PRELID2: variants seen among roughly 807,000 people sequenced by gnomAD.
The protein encoded by PRELID2 is PRELI domain-containing protein 2.
PRELID2 carries 25 observed loss-of-function variants against 28.4 expected under a neutral mutation model. The observed-to-expected ratio is 0.88, with a 90% CI of 0.64 to 1.23. PRELID2 has a LOEUF of 1.23. PRELID2 is among the 50% of genes most tolerant of loss of function. PRELID2 has a pLI of 0.00. For missense variants in PRELID2, 201 were observed against 214.4 expected, an observed-to-expected ratio of 0.94 and a Z score of 0.39; for synonymous variants, 76 against 71.6, an observed-to-expected ratio of 1.06 and a Z score of -0.31.
At chr5:145,426,188 TG>T in the PRELID2 span, among the ~76,000 whole-genome samples, 173 of 152,354 alleles carry the variant, frequency 1.1e-3, no homozygotes, top group African/African-American at 3.9e-3. Context: ...GCAGGGTTTT[TG>T]CTGCTTTCCT....
chr5:145,387,541 C>G, the PRELID2 span, among the ~76,000 whole-genome samples: 1 of 152,294 alleles, frequency 6.6e-6, no homozygotes, highest in African/African-American at 2.4e-5. Flanking sequence ...CATCAATTAA[C>G]CAGTAAAATG....
chr5:145,452,585 T>A, the PRELID2 span, among the ~76,000 whole-genome samples: 1 of 152,192 alleles, frequency 6.6e-6, no homozygotes, highest in African/African-American at 2.4e-5. Flanking sequence ...CAGATCACAC[T>A]GGATTATAAT....
chr5:145,829,619 A>G (rs1200608695), intron 1 of PRELID2, among the ~76,000 whole-genome samples: 6 of 152,188 alleles, frequency 3.9e-5, no homozygotes, highest in Non-Finnish European at 5.9e-5. Flanking sequence ...GACCTGTCCA[A>G]GCTCACAGGG....
chr5:145,320,709 G>T, the PRELID2 span, among the ~76,000 whole-genome samples: 76 of 152,264 alleles, frequency 5.0e-4, 2 homozygotes, highest in African/African-American at 1.8e-3. Flanking sequence ...AAAACAAGGA[G>T]ATATTATAAT....
chr5:145,381,927 TC>T, the PRELID2 span, among the ~76,000 whole-genome samples: 1 of 150,598 alleles, frequency 6.6e-6, no homozygotes, highest in Admixed American at 6.6e-5. Flanking sequence ...GGAAAAAAAA[TC>T]TATTGAAATA....
At chr5:145,719,776 C>T (rs1355359867) in intron 1 of PRELID2, among the ~76,000 whole-genome samples, 1 of 151,922 alleles carries the variant, frequency 6.6e-6, no homozygotes, top group Admixed American at 6.6e-5. Flanking sequence ...CCCCTCCAAC[C>T]TCCAAAACAA....
At chr5:145,537,972 T>C (rs1295959981) in intron 1 of PRELID2, among the ~76,000 whole-genome samples, 1 of 151,964 alleles carries the variant, frequency 6.6e-6, no homozygotes, top group South Asian at 2.1e-4. Context: ...TAGTTTCCAG[T>C]TTTACATGTA....
intron 1 of PRELID2, among the ~76,000 whole-genome samples, chr5:145,674,916 CAGAGTG>C (rs1754783826): frequency 6.6e-6 from 1 of 150,712 alleles, no homozygotes; most frequent in Non-Finnish European, 1.5e-5. Context: ...GCCTGAACAA[CAGAGTG>C]AGATTCAGTA....
At chr5:145,507,673 C>G (rs528733221) in intron 1 of PRELID2, among the ~76,000 whole-genome samples, 1 of 152,092 alleles carries the variant, frequency 6.6e-6, no homozygotes, top group Admixed American at 6.6e-5. Context: ...CTTTTGGTGG[C>G]CTTTTTCACT....
chr5:145,549,731 C>T (rs1227896798), intron 1 of PRELID2, among the ~76,000 whole-genome samples: 1 of 151,554 alleles, frequency 6.6e-6, no homozygotes, highest in African/African-American at 2.4e-5. Flanking sequence ...GGAGGCAGAG[C>T]TTCCAGTGAG....
At chr5:145,599,654 C>T (rs753714751) in intron 1 of PRELID2, among the ~76,000 whole-genome samples, 2 of 152,146 alleles carry the variant, frequency 1.3e-5, no homozygotes, top group East Asian at 1.9e-4. Flanking sequence ...TAATGACCTC[C>T]GTAGCATTTG....
At chr5:145,431,271 A>T in the PRELID2 span, among the ~76,000 whole-genome samples, 1 of 152,088 alleles carries the variant, frequency 6.6e-6, no homozygotes, top group Admixed American at 6.5e-5. Flanking sequence ...AATGTTCTAG[A>T]AACATGTTTC....
At chr5:145,639,559 T>C (rs1754060032) in intron 1 of PRELID2, among the ~76,000 whole-genome samples, 1 of 152,214 alleles carries the variant, frequency 6.6e-6, no homozygotes, top group Non-Finnish European at 1.5e-5. Flanking sequence ...GATCCACTGA[T>C]GAGCTTACAA....
the PRELID2 span, among the ~76,000 whole-genome samples, chr5:145,442,128 T>C: frequency 6.6e-6 from 1 of 152,112 alleles, no homozygotes; most frequent in East Asian, 1.9e-4. Context: ...TTCATATATA[T>C]TATCTCTACA....
At chr5:145,685,599 A>G (rs1379652810) in intron 1 of PRELID2, among the ~76,000 whole-genome samples, 2 of 152,206 alleles carry the variant, frequency 1.3e-5, no homozygotes, top group Non-Finnish European at 2.9e-5. Context: ...GCAGTCCCAC[A>G]TCTGTTTCAG....
At chr5:145,297,555 G>A in the PRELID2 span, among the ~76,000 whole-genome samples, 1 of 152,082 alleles carries the variant, frequency 6.6e-6, no homozygotes, top group African/African-American at 2.4e-5. Flanking sequence ...TTGAAAACAG[G>A]CACAAGACAG....
At chr5:145,770,813 T>C (rs1265731122) in intron 5 of PRELID2, among the ~76,000 whole-genome samples, 3 of 152,266 alleles carry the variant, frequency 2.0e-5, no homozygotes, top group African/African-American at 4.8e-5. Context: ...TACTTTTGCA[T>C]ACCTGTGCAA....
rs566712725 is a variant in PRELID2, at chr5:145,765,714, A to G, written c.475-714T>C. Among the ~76,000 whole-genome samples the G allele has an allele frequency of 2.0e-5, 3 of 152,270 alleles. No homozygotes were observed. The South Asian group carries it at 6.2e-4, about 32-fold the overall frequency. On this transcript the variant is annotated intron_variant, in intron 5 of 6. Coordinates refer to ENST00000683046, the MANE Select transcript of PRELID2 (RefSeq NM_205846.3). ...AAATCCCTTCCCGTACCCCATGACA[A>G]GAGTTGTTCCTGAGTGCGCACTACA...
At chr5:145,784,594 T>C (rs1017788448) in intron 5 of PRELID2, among the ~76,000 whole-genome samples, 3 of 152,202 alleles carry the variant, frequency 2.0e-5, no homozygotes, top group Non-Finnish European at 4.4e-5. Flanking sequence ...ATGGCATTTA[T>C]ATTCAAAAAT....
Sources: gnomAD v4.1 joint callset for allele counts (sites outside exome capture counted in the v4.1 genomes callset) on GRCh38, gnomAD v4.1.1 for gene constraint, MANE v1.5 for transcripts, NCBI Gene and HGNC (gene_info 2026-07-23, HGNC 2026-07-21) for gene names.